Variants in AFG1L observed in about 807,000 individuals in gnomAD.
The protein encoded by AFG1L is AFG1-like ATPase.
Under a neutral mutation model 62.2 loss-of-function variants are expected in AFG1L, and 53 were observed. The observed-to-expected ratio is 0.85, with a 90% CI of 0.68 to 1.07. AFG1L has a LOEUF of 1.07. Among genes scored for constraint, AFG1L ranks in the 50% least tolerant of loss-of-function variants. AFG1L has a pLI of 0.00. For synonymous variants in AFG1L, 228 were observed against 210.3 expected, an observed-to-expected ratio of 1.08 and a Z score of -0.73; for missense variants, 555 against 590.5, an observed-to-expected ratio of 0.94 and a Z score of 0.62.
intron 1 of AFG1L, among the ~76,000 whole-genome samples, chr6:108,302,703 G>A (rs1423511578): frequency 1.3e-5 from 2 of 152,176 alleles, no homozygotes; most frequent in East Asian, 1.9e-4. Context: ...TTAAAGGAAA[G>A]CACACCACTC....
Position 108,361,889 on chromosome 6 carries a change from G to A in AFG1L, c.649-4344G>A, listed in dbSNP as rs368398125. On this transcript the variant is annotated intron_variant, in intron 5 of 12. Transcript: ENST00000368977. ...TATATCACCTTTTAACATATTATAT[G>A]TAATTTACTTATTTATTGTGTTTAT... Among the ~76,000 whole-genome samples the A allele has an allele frequency of 5.9e-5, 9 of 152,186 alleles. No individual in the cohort carries two copies. The East Asian group carries it at 7.7e-4, about 13-fold the overall frequency.
intron 11 of AFG1L, among the ~76,000 whole-genome samples, chr6:108,511,438 G>A (rs1013389433): frequency 9.2e-5 from 14 of 152,116 alleles, no homozygotes; most frequent in African/African-American, 2.9e-4. Flanking sequence ...TATCCTAAAG[G>A]CCATCTTAAT....
intron 7 of AFG1L, among the ~76,000 whole-genome samples, chr6:108,443,245 G>A (rs1287860813): frequency 6.9e-6 from 1 of 145,770 alleles, no homozygotes; most frequent in African/African-American, 2.5e-5. Context: ...TGTCATCTCA[G>A]TGCCTCTCCA....
At chr6:108,325,250 A>G (rs1163515864) in intron 2 of AFG1L, among the ~76,000 whole-genome samples, 1 of 152,100 alleles carries the variant, frequency 6.6e-6, no homozygotes, top group Non-Finnish European at 1.5e-5. Flanking sequence ...TACCTAGGCA[A>G]GCATCCAGCT....
chr6:108,315,866 A>G (rs1415399140), intron 1 of AFG1L, among the ~76,000 whole-genome samples: 1 of 152,094 alleles, frequency 6.6e-6, no homozygotes, highest in Admixed American at 6.6e-5. Context: ...TGGGCAACAC[A>G]GGTAGAACCC....
At chr6:108,424,326 C>T (rs1770723451) in intron 7 of AFG1L, among the ~76,000 whole-genome samples, 1 of 152,048 alleles carries the variant, frequency 6.6e-6, no homozygotes, top group Non-Finnish European at 1.5e-5. Flanking sequence ...TTCTTTTAAA[C>T]TATGATAGAT....
chr6:108,465,946 C>T (rs577364910), intron 8 of AFG1L, among the ~76,000 whole-genome samples: 1 of 151,998 alleles, frequency 6.6e-6, no homozygotes, highest in Non-Finnish European at 1.5e-5. Context: ...AACTCCTGGG[C>T]TCAAGTGATC....
intron 7 of AFG1L, among the ~76,000 whole-genome samples, chr6:108,411,294 C>G (rs552765831): frequency 6.6e-6 from 1 of 152,208 alleles, no homozygotes; most frequent in Non-Finnish European, 1.5e-5. Flanking sequence ...CATCGCAGCT[C>G]AAGGAGGCCT....
chr6:108,410,325 A>C (rs1782041231), intron 7 of AFG1L, among the ~76,000 whole-genome samples: 1 of 152,070 alleles, frequency 6.6e-6, no homozygotes, highest in Non-Finnish European at 1.5e-5. Flanking sequence ...AAAGATCATA[A>C]ATTTTTTGAT....
intron 8 of AFG1L, among the ~76,000 whole-genome samples, chr6:108,474,827 A>G (rs547526598): frequency 2.6e-5 from 4 of 152,218 alleles, no homozygotes; most frequent in African/African-American, 9.6e-5. Flanking sequence ...ACTTTCTCCT[A>G]TTCTGTAGGT....
Position 108,295,209 on chromosome 6 carries a change from T to C in AFG1L, c.130T>C (p.Phe44Leu), listed in dbSNP as rs1776717807. The change falls in exon 1 of 13, where the codon TTT becomes CTT. Residue 44 changes from phenylalanine to leucine, a missense_variant. Phe to Leu is a conservative substitution (Grantham distance 22). Coordinates refer to ENST00000368977, the MANE Select transcript of AFG1L (RefSeq NM_145315.5). Reference protein sequence around the residue: ...APLATAPGKPFWKAYTVQTSE... With the variant: ...APLATAPGKPLWKAYTVQTSE... Reference sequence around the variant, plus strand: ...TCTGGCCACCGCCCCTGGGAAGCCCTTTTGGAAAGGTCAGTGACTGTGCCA... The same window carrying C: ...TCTGGCCACCGCCCCTGGGAAGCCCCTTTGGAAAGGTCAGTGACTGTGCCA... 6.2e-7 allele frequency: 1 copy of C among 1,603,240 alleles called. No individual in the cohort carries two copies. Among genetic ancestry groups the C allele is most frequent in the African/African-American group, 1.3e-5 (1 of 74,932 alleles).
At position 108,373,609 on chromosome 6, in the gene AFG1L, A is replaced by T. The variant is rs1274226774; in HGVS notation, c.748+7277A>T. On this transcript the variant is annotated intron_variant, in intron 6 of 12. Transcript: ENST00000368977. ...GAGATTTTTTTTTTTTTTTTTTGAG[A>T]TGGAGTCTAGCTTTGTTACTCAGGC... Among the ~76,000 whole-genome samples, 20 of 141,810 alleles carry T rather than the reference A, an allele frequency of 1.4e-4. 1 individual carries two copies. The highest frequency in any genetic ancestry group is 2.9e-4 in the Non-Finnish European group (19 of 65,998). 93.0% of individuals were successfully genotyped at this position (141,810 alleles called of 152,430 possible).
intron 8 of AFG1L, among the ~76,000 whole-genome samples, chr6:108,456,426 T>A (rs1772254320): frequency 6.6e-6 from 1 of 152,170 alleles, no homozygotes; most frequent in South Asian, 2.1e-4. Context: ...TTACACTTGA[T>A]GTGATTGTTG....
rs59323063 is a variant in AFG1L, at chr6:108,445,633, T to TGAGAGAGA, written c.808-1540_808-1533dup. On this transcript the variant is annotated intron_variant, in intron 7 of 12. Coordinates refer to ENST00000368977, the MANE Select transcript of AFG1L (RefSeq NM_145315.5). ...TCTCAGAGCATAGGGACACCTAAGG[T>TGAGAGAGA]GAGAGAGAGAGAGAGAGAGAGAGAG... Among the ~76,000 whole-genome samples the TGAGAGAGA allele has an allele frequency of 4.7e-3, 607 of 130,062 alleles. 7 individuals carry two copies. The highest frequency in any genetic ancestry group is 0.018 in the East Asian group (69 of 3,860). The allele number at this position is 130,062 out of a possible 152,430, so 85.3% of individuals were successfully genotyped here.
intron 5 of AFG1L, among the ~76,000 whole-genome samples, chr6:108,363,843 A>T (rs971297837): frequency 6.6e-6 from 1 of 152,210 alleles, no homozygotes; most frequent in African/African-American, 2.4e-5. Flanking sequence ...AATAAAAAAT[A>T]GGTGCTTATT....
chr6:108,373,020 TG>T (rs1391082176), intron 6 of AFG1L: 1 of 152,276 alleles, frequency 6.6e-6, no homozygotes, highest in Non-Finnish European at 1.5e-5. Flanking sequence ...TATTTATTTT[TG>T]TTTTTTACTT....
chr6:108,407,392 G>A (rs1028848071), intron 7 of AFG1L, among the ~76,000 whole-genome samples: 6 of 152,106 alleles, frequency 3.9e-5, no homozygotes, highest in African/African-American at 1.2e-4. Context: ...GGATATATGA[G>A]TCAAAGATAA....
intron 1 of AFG1L, among the ~76,000 whole-genome samples, chr6:108,297,815 C>T (rs936393189): frequency 2.1e-5 from 3 of 143,300 alleles, no homozygotes; most frequent in African/African-American, 7.8e-5. Flanking sequence ...AGAGAGATGG[C>T]GTCACTGCAC....
rs572327457 is a variant in AFG1L at position 108,381,299 on chromosome 6, TC to T, written c.748+14968del. Among the ~76,000 whole-genome samples, 272 of 152,346 alleles carry T rather than the reference TC, an allele frequency of 1.8e-3. 1 individual carries two copies. Among genetic ancestry groups the T allele is most frequent in the African/African-American group, 6.3e-3 (262 of 41,596 alleles). On this transcript the variant is annotated intron_variant, in intron 6 of 12. Coordinates refer to ENST00000368977, the MANE Select transcript of AFG1L (RefSeq NM_145315.5). ...GTAAATTATTCATTCAGCAATTTTGTCATTTAGGTAAATATCTTAATGTCTA... is the reference window on the plus strand; with the variant it reads ...GTAAATTATTCATTCAGCAATTTTGTATTTAGGTAAATATCTTAATGTCTA...
Sources: gnomAD v4.1 joint callset for allele counts (sites outside exome capture counted in the v4.1 genomes callset) on GRCh38, gnomAD v4.1.1 for gene constraint, MANE v1.5 for transcripts, NCBI Gene and HGNC (gene_info 2026-07-23, HGNC 2026-07-21) for gene names.